CHST15: variants seen among roughly 807,000 people sequenced by gnomAD.
CHST15 encodes B cell RAG associated protein (GALNAC4S-6ST).
A neutral mutation model predicts 53.6 loss-of-function variants in CHST15; 30 were observed. The observed-to-expected ratio is 0.56, with a 90% CI of 0.42 to 0.76. The LOEUF is 0.76. Ranked by LOEUF, CHST15 falls within the 30% of genes least tolerant of loss-of-function variation. CHST15 has a pLI of 0.00. For synonymous variants in CHST15, 296 were observed against 289.8 expected (o/e 1.02, Z -0.22); for missense variants, 627 against 740.5 (o/e 0.85, Z 1.78).
chr10:124,018,914 G>A (rs1023891254), intron 6 of CHST15, among the ~76,000 whole-genome samples: 7 of 152,176 alleles, frequency 4.6e-5, no homozygotes, highest in African/African-American at 1.2e-4. Context: ...AAAAGGACTC[G>A]TGGGTGGATT....
intron 6 of CHST15, among the ~76,000 whole-genome samples, chr10:124,015,347 T>C (rs1946554113): frequency 6.9e-6 from 1 of 144,042 alleles, no homozygotes; most frequent in South Asian, 2.2e-4. Context: ...CCTTTGAAGT[T>C]AACCGTGCCA....
intron 4 of CHST15, among the ~76,000 whole-genome samples, chr10:124,041,784 T>C (rs1372392867): frequency 1.3e-5 from 2 of 152,228 alleles, no homozygotes; most frequent in Non-Finnish European, 2.9e-5. Context: ...CCCAAAGGCA[T>C]GAGGTTGACA....
chr10:124,088,592 G>A (rs1482161743), intron 1 of CHST15, among the ~76,000 whole-genome samples: 4 of 152,032 alleles, frequency 2.6e-5, no homozygotes, highest in African/African-American at 7.3e-5. Context: ...TGCCTCTACC[G>A]TCATTCCCAA....
Position 124,046,146 on chromosome 10 carries a change from A to G in CHST15, c.67T>C (p.Cys23Arg). The change falls in exon 2 of 8, where the codon TGC becomes CGC. Residue 23 changes from cysteine (C) to arginine (R), a missense_variant. Cys to Arg is a radical substitution (Grantham distance 180). Transcript: ENST00000435907. ...TGACCGTGATGGGGGCCCCCTTGGCAGTTGACCTGCTGCTTGTGTGCGCCG... is the reference window on the plus strand; with the variant it reads ...TGACCGTGATGGGGGCCCCCTTGGCGGTTGACCTGCTGCTTGTGTGCGCCG... Reference protein sequence around the residue: ...PDGAHKQQVNCQGGPHHGHQA... With the variant: ...PDGAHKQQVNRQGGPHHGHQA... 6.2e-7 allele frequency: 1 copy of G among 1,614,130 alleles called. No homozygotes were observed. Among genetic ancestry groups the G allele is most frequent in the East Asian group, 2.2e-5 (1 of 44,880 alleles).
chr10:124,014,653 G>C (rs758462015), intron 6 of CHST15, among the ~76,000 whole-genome samples: 2 of 152,318 alleles, frequency 1.3e-5, no homozygotes, highest in Non-Finnish European at 2.9e-5. Context: ...TGGCAGGCTT[G>C]TAGGCCGTCC....
chr10:124,023,356 C>A (rs574150447), intron 5 of CHST15, among the ~76,000 whole-genome samples: 3 of 151,746 alleles, frequency 2.0e-5, no homozygotes, highest in Non-Finnish European at 4.4e-5. Flanking sequence ...CGTGGTGGTG[C>A]GTGCCTGTAG....
At chr10:124,045,102 C>T (rs541233519) in intron 2 of CHST15, among the ~76,000 whole-genome samples, 183 bp from the exon 3 acceptor site, 54 of 93,838 alleles carry the variant, frequency 5.8e-4, no homozygotes, top group African/African-American at 1.5e-3. Context: ...TCCTCTCCCC[C>T]GCCGCCCCAC....
intron 4 of CHST15, among the ~76,000 whole-genome samples, chr10:124,038,923 T>C (rs1426097900): frequency 1.3e-5 from 2 of 151,066 alleles, no homozygotes; most frequent in African/African-American, 2.4e-5. Flanking sequence ...CAACACTGAG[T>C]GCCCCCACCC....
At chr10:124,086,331 G>T (rs1017329947) in intron 1 of CHST15, among the ~76,000 whole-genome samples, 22 of 152,200 alleles carry the variant, frequency 1.4e-4, no homozygotes, top group Admixed American at 1.3e-3. Context: ...GCCACAGGGC[G>T]ACTGTTCTCC....
At chr10:124,031,026 C>T (rs966151127) in intron 5 of CHST15, among the ~76,000 whole-genome samples, 1 of 152,202 alleles carries the variant, frequency 6.6e-6, no homozygotes, top group Non-Finnish European at 1.5e-5. Context: ...AGCCATCCTG[C>T]TAATAACTCA....
chr10:124,073,298 A>G (rs554412872), intron 1 of CHST15, among the ~76,000 whole-genome samples: 2 of 152,254 alleles, frequency 1.3e-5, no homozygotes, highest in Non-Finnish European at 2.9e-5. Flanking sequence ...AGTACTGAGC[A>G]AAAGAACCCA....
At chr10:124,037,606 C>T (rs556429601) in intron 5 of CHST15, among the ~76,000 whole-genome samples, 1 of 152,278 alleles carries the variant, frequency 6.6e-6, no homozygotes, top group African/African-American at 2.4e-5. Flanking sequence ...CCTGGCAGCC[C>T]TGAGATTCTG....
At chr10:124,013,616 T>C (rs969862155) in intron 6 of CHST15, among the ~76,000 whole-genome samples, 1 of 152,238 alleles carries the variant, frequency 6.6e-6, no homozygotes, top group African/African-American at 2.4e-5. Context: ...GAAGGTGGGT[T>C]GGAGAATATC....
intron 1 of CHST15, among the ~76,000 whole-genome samples, chr10:124,072,175 A>T (rs1948937114): frequency 6.6e-6 from 1 of 152,226 alleles, no homozygotes; most frequent in Non-Finnish European, 1.5e-5. Context: ...ACCCGGGCAC[A>T]GGTTTTCCTT....
At chr10:124,028,893 C>G (rs1281331892) in intron 5 of CHST15, among the ~76,000 whole-genome samples, 1 of 151,864 alleles carries the variant, frequency 6.6e-6, no homozygotes, top group Non-Finnish European at 1.5e-5. Flanking sequence ...TCCCCGTGCT[C>G]CTCAAACACC....
intron 1 of CHST15, among the ~76,000 whole-genome samples, chr10:124,062,526 G>C (rs571137966): frequency 6.6e-6 from 1 of 152,118 alleles, no homozygotes; most frequent in South Asian, 2.1e-4. Flanking sequence ...CCGACCCCAT[G>C]GACAGGCGTG....
At chr10:124,087,050 C>T (rs775454073) in intron 1 of CHST15, among the ~76,000 whole-genome samples, 3 of 152,300 alleles carry the variant, frequency 2.0e-5, no homozygotes, top group East Asian at 1.9e-4. Context: ...GTGAACTTAC[C>T]GCCATCAGCA....
At chr10:124,035,166 G>GCCCCCTAACGGGGACCCTGGTTCCA (rs1947424401) in intron 5 of CHST15, among the ~76,000 whole-genome samples, 4 of 81,320 alleles carry the variant, frequency 4.9e-5, no homozygotes, top group Non-Finnish European at 7.1e-5. Flanking sequence ...CCCCGGCTCC[G>GCCCCCTAACGGGGACCCTGGTTCCA]CCCCCTAACG....
At chr10:124,054,175 T>C (rs1948298328) in intron 1 of CHST15, among the ~76,000 whole-genome samples, 1 of 152,322 alleles carries the variant, frequency 6.6e-6, no homozygotes, top group Non-Finnish European at 1.5e-5. Context: ...GCCCTTCCTG[T>C]AATCTGATCC....
Sources: gnomAD v4.1 joint callset for allele counts (sites outside exome capture counted in the v4.1 genomes callset) on GRCh38, gnomAD v4.1.1 for gene constraint, MANE v1.5 for transcripts, NCBI Gene and HGNC (gene_info 2026-07-23, HGNC 2026-07-21) for gene names.